Variants in ECPAS observed in about 807,000 individuals in gnomAD.
The protein encoded by ECPAS is proteasome adapter and scaffold protein ECM29.
In ECPAS, 70 loss-of-function variants were observed where a neutral mutation model predicts 255.1. The observed-to-expected ratio is 0.27, with a 90% CI of 0.23 to 0.33. The LOEUF (loss-of-function observed/expected upper bound fraction) is 0.33. Among genes scored for constraint, ECPAS ranks in the 10% least tolerant of loss-of-function variants. The pLI, the probability that ECPAS is intolerant of heterozygous loss-of-function variation, is 1.00. For synonymous variants in ECPAS, 784 were observed against 775.0 expected, an observed-to-expected ratio of 1.01 and a Z score of -0.19; for missense variants, 1,817 against 2,206.4, an observed-to-expected ratio of 0.82 and a Z score of 3.54.
intron 24 of ECPAS, among the ~76,000 whole-genome samples, chr9:111,408,345 G>A (rs574684361): frequency 1.2e-4 from 19 of 152,212 alleles, no homozygotes; most frequent in African/African-American, 4.1e-4. Context: ...ACACTGCACC[G>A]CACTTTGCTC....
intron 36 of ECPAS, among the ~76,000 whole-genome samples, chr9:111,376,911 G>T (rs551246994): frequency 2.0e-5 from 3 of 152,294 alleles, no homozygotes; most frequent in African/African-American, 7.2e-5. Flanking sequence ...AATTTTATAC[G>T]TGCAGTTCTT....
intron 48 of ECPAS, 120 bp from the exon 49 acceptor site, chr9:111,363,779 G>T: frequency 3.4e-6 from 2 of 587,756 alleles, no homozygotes; most frequent in Non-Finnish European, 5.9e-6. Flanking sequence ...GGGTATATCT[G>T]ATTTTTTTTT....
At chr9:111,449,932 C>T (rs1256473764) in intron 3 of ECPAS, among the ~76,000 whole-genome samples, 1 of 152,172 alleles carries the variant, frequency 6.6e-6, no homozygotes, top group African/African-American at 2.4e-5. Context: ...TCAATGGTCT[C>T]CCCCACCTCT....
intron 41 of ECPAS, 63 bp downstream of exon 41, chr9:111,373,107 A>T (rs550092189): frequency 1.9e-5 from 23 of 1,225,118 alleles, no homozygotes; most frequent in Admixed American, 5.2e-5. Context: ...CCTAATTTGT[A>T]CTGTTTTACT....
chr9:111,465,937 G>T (rs1235194833), intron 2 of ECPAS, among the ~76,000 whole-genome samples: 2 of 151,926 alleles, frequency 1.3e-5, no homozygotes, highest in Non-Finnish European at 2.9e-5. Flanking sequence ...AGGGGGCTGA[G>T]GTGGGAAAAT....
intron 23 of ECPAS, among the ~76,000 whole-genome samples, chr9:111,409,432 C>T (rs1175780877): frequency 1.3e-5 from 2 of 151,948 alleles, no homozygotes; most frequent in Non-Finnish European, 2.9e-5. Context: ...TGGTGGCGTG[C>T]GCCTGTAATC....
chr9:111,451,376 T>C lies in ECPAS; in HGVS notation c.153+49A>G, dbSNP rs369965040. On this transcript the variant is annotated intron_variant, in intron 3 of 49. Transcript: ENST00000684092. The stretch of plus-strand genomic sequence containing the variant: ...AACAGAAAACTCACTTGATAATGTA[T>C]ATTCATTTATTCATCATTTAATTCC... 1.5e-3 allele frequency: 2,313 copies of C among 1,515,528 alleles called. 4 individuals carry two copies. The highest frequency in any genetic ancestry group is 1.9e-3 in the Non-Finnish European group (2,158 of 1,121,964). 93.9% of individuals were successfully genotyped at this position (1,515,528 alleles called of 1,614,324 possible).
At chr9:111,449,407 A>C (rs542733075) in intron 3 of ECPAS, among the ~76,000 whole-genome samples, 33 of 152,266 alleles carry the variant, frequency 2.2e-4, no homozygotes, top group African/African-American at 7.7e-4. Context: ...AAATTATGTG[A>C]GAGAGATATG....
chr9:111,373,073 C>G (rs759069291), intron 41 of ECPAS, 97 bp downstream of exon 41: 10 of 944,722 alleles, frequency 1.1e-5, no homozygotes, highest in Non-Finnish European at 1.7e-5. Context: ...TCTAGCAAAT[C>G]ACATAAAATC....
rs1281860584 is a variant in ECPAS at position 111,375,169 on chromosome 9, C to T, written c.4054G>A (p.Glu1352Lys). 3.1e-6 allele frequency: 5 copies of T among 1,613,616 alleles called. No homozygotes were observed. Among genetic ancestry groups the T allele is most frequent in the South Asian group, 1.1e-5 (1 of 91,078 alleles). ...AGTTCACACAACCTAGGAACTAGCTCGCCCAGCACTGACACATCAAGGTAT... is the reference window on the plus strand; with the variant it reads ...AGTTCACACAACCTAGGAACTAGCTTGCCCAGCACTGACACATCAAGGTAT... ...LQYLDVSVLG[E>K]LVPRLCELIR... Residue 1352 changes from glutamate to lysine, a missense_variant, in exon 38 of 50, where the codon GAG becomes AAG. Coordinates refer to ENST00000684092, the MANE Select transcript of ECPAS (RefSeq NM_001364929.1).
At chr9:111,419,391 G>A (rs2098209572) in intron 16 of ECPAS, among the ~76,000 whole-genome samples, 1 of 152,198 alleles carries the variant, frequency 6.6e-6, no homozygotes, top group African/African-American at 2.4e-5. Flanking sequence ...GGCATTGACT[G>A]TAAGACATAT....
chr9:111,438,425 G>C (rs1239970038), intron 6 of ECPAS, among the ~76,000 whole-genome samples: 1 of 151,508 alleles, frequency 6.6e-6, no homozygotes, highest in Non-Finnish European at 1.5e-5. Flanking sequence ...CAGGAGTTTG[G>C]TGACCCCCTA....
intron 2 of ECPAS, among the ~76,000 whole-genome samples, chr9:111,458,234 C>T (rs560673523): frequency 3.1e-4 from 47 of 152,124 alleles, no homozygotes; most frequent in African/African-American, 1.0e-3. Flanking sequence ...TAAACTAAAC[C>T]TCTCTAAGGT....
chr9:111,424,002 G>A (rs1376979862), intron 12 of ECPAS, among the ~76,000 whole-genome samples: 1 of 152,172 alleles, frequency 6.6e-6, no homozygotes, highest in East Asian at 1.9e-4. Flanking sequence ...CACACCCTGT[G>A]GTTTGTCTGG....
chr9:111,423,309 T>A (rs78484777), intron 12 of ECPAS, 61 bp from the exon 13 acceptor site: 2 of 1,170,784 alleles, frequency 1.7e-6, no homozygotes, highest in Non-Finnish European at 2.5e-6. Flanking sequence ...AAACAAAAAA[T>A]ACAGTAAACA....
intron 1 of ECPAS, chr9:111,483,862 G>C: frequency 2.4e-6 from 1 of 418,686 alleles, no homozygotes; most frequent in Non-Finnish European, 3.2e-6. Context: ...ACTCCGCGCC[G>C]CGCTCGCCCA....
At position 111,474,710 on chromosome 9, in the gene ECPAS, C is replaced by T. The variant is rs139044648; in HGVS notation, c.-82-1710G>A. Among the ~76,000 whole-genome samples, 128 of 152,316 alleles carry T rather than the reference C, an allele frequency of 8.4e-4. 1 individual carries two copies. Among genetic ancestry groups the T allele is most frequent in the African/African-American group, 3.0e-3 (124 of 41,554 alleles). ...CACAGCATCATCTGCTATTACATCC[C>T]ACACCAAAAATAATAATAATTTATA... On this transcript the variant is annotated intron_variant, in intron 1 of 49. Transcript: ENST00000684092.
Position 111,389,442 on chromosome 9 carries a change from T to G in ECPAS, c.3447+114A>C, listed in dbSNP as rs1042867159. 1.3e-5 allele frequency: 12 copies of G among 955,802 alleles called. No individual in the cohort carries two copies. In the Admixed American group the frequency reaches 3.3e-4, roughly 26 times the overall value. The allele number at this position is 955,802 out of a possible 1,614,324, so 59.2% of individuals were successfully genotyped here. A position where few individuals can be genotyped will look rare whatever the true frequency, so the allele number is the denominator to read the frequency against. On this transcript the variant is annotated intron_variant, in intron 31 of 49. Transcript: ENST00000684092. Reference sequence around the variant, plus strand: ...ATGGAATGAAAGACAATTTATTTGTTTAAACAAGTAAACATAAAAAGTAGA... The same window carrying G: ...ATGGAATGAAAGACAATTTATTTGTGTAAACAAGTAAACATAAAAAGTAGA...
chr9:111,483,637 T>A, intron 1 of ECPAS: 1 of 214,972 alleles, frequency 4.7e-6, no homozygotes, highest in Non-Finnish European at 7.7e-6. Context: ...GCGAGCCGCC[T>A]CCGTTCACTC....
Sources: allele counts gnomAD v4.1 joint callset (sites outside exome capture counted in the v4.1 genomes callset), GRCh38; gene constraint gnomAD v4.1.1; transcripts MANE v1.5; gene names NCBI Gene and HGNC (gene_info 2026-07-23, HGNC 2026-07-21).